Variants in AMZ1 observed in about 807,000 individuals in gnomAD.
AMZ1 encodes archaemetzincin-1.
A neutral mutation model predicts 29.9 loss-of-function variants in AMZ1; 39 were observed. The observed-to-expected ratio is 1.30, with a 90% confidence interval of 1.01 to 1.70. AMZ1 has a LOEUF of 1.70. Among genes scored for constraint, AMZ1 ranks in the 40% most tolerant of loss-of-function variants. The pLI, the probability that AMZ1 is intolerant of heterozygous loss-of-function variation, is 0.00. For synonymous variants in AMZ1, 458 were observed against 304.0 expected, an observed-to-expected ratio of 1.51 and a Z score of -5.27; for missense variants, 1,041 against 680.6, an observed-to-expected ratio of 1.53 and a Z score of -5.89.
chr7:2,731,439 G>A lies in AMZ1; in HGVS notation n.550+21623G>A. On this transcript the variant is annotated intron_variant and non_coding_transcript_variant, in intron 4 of 4. Coordinates refer to the AMZ1 transcript ENST00000489665. This position sits in a 1 kb window ranked among gnomAD's most constrained non-coding sequence, Gnocchi z 6.0. ...CCTTCTCCACCAGGAGGTCCATCTT[G>A]TTGAGGAAGAGAATGATGGAGACGT... The A allele has an allele frequency of 6.2e-7, 1 of 1,613,814 alleles. No homozygotes were observed. Among genetic ancestry groups the A allele is most frequent in the Non-Finnish European group, 8.5e-7 (1 of 1,179,776 alleles).
chr7:2,693,046 T>C (rs749523622), intron 1 of AMZ1, among the ~76,000 whole-genome samples: 11 of 152,170 alleles, frequency 7.2e-5, no homozygotes, highest in Non-Finnish European at 1.2e-4. Context: ...CTCTCAGGAA[T>C]GGGAGTGTGG....
Position 2,712,539 on chromosome 7 carries a change from C to T in AMZ1, c.1158C>T (p.Ser386=), listed in dbSNP as rs771103645. The change falls in exon 7 of 7, where the codon AGC becomes AGT. Residue 386 remains serine (S), a synonymous_variant. Transcript: ENST00000683327. ...TFASGPEEGL[S]YLAASEAPLP... Reference sequence around the variant, plus strand: ...CCTCGGGGCCAGAGGAAGGGCTGAGCTACCTGGCAGCCTCAGAGGCTCCGC... The same window carrying T: ...CCTCGGGGCCAGAGGAAGGGCTGAGTTACCTGGCAGCCTCAGAGGCTCCGC... 6.2e-7 allele frequency: 1 copy of T among 1,608,800 alleles called. No homozygotes were observed. Among genetic ancestry groups the T allele is most frequent in the Non-Finnish European group, 8.5e-7 (1 of 1,177,724 alleles).
At chr7:2,705,717 G>A (rs1200634797) in intron 3 of AMZ1, among the ~76,000 whole-genome samples, 1 of 152,188 alleles carries the variant, frequency 6.6e-6, no homozygotes. Context: ...CCCCTGGGTG[G>A]CATGTTTCTT....
chr7:2,697,172 G>A (rs1327200822), intron 1 of AMZ1, among the ~76,000 whole-genome samples: 3 of 152,066 alleles, frequency 2.0e-5, no homozygotes, highest in Non-Finnish European at 4.4e-5. Context: ...GCGCAATCTC[G>A]GCTCACTGCA....
At chr7:2,680,174 TGAA>T (rs1430971995) in intron 1 of AMZ1, among the ~76,000 whole-genome samples, 3 of 152,054 alleles carry the variant, frequency 2.0e-5, no homozygotes, top group Admixed American at 6.5e-5. Context: ...CAGTGGCACT[TGAA>T]GAAGGAGGGC....
chr7:2,749,375 A>G (rs542830707), intron 4 of AMZ1, among the ~76,000 whole-genome samples: 3 of 152,280 alleles, frequency 2.0e-5, no homozygotes, highest in South Asian at 2.1e-4. Flanking sequence ...CATGGATGAA[A>G]CTAGAAACCA....
At chr7:2,683,972 G>A (rs533428295), upstream of AMZ1, among the ~76,000 whole-genome samples, 66 of 151,938 alleles carry the variant, frequency 4.3e-4, 1 homozygote, top group South Asian at 0.014. Flanking sequence ...GAGGTCAGGA[G>A]TTTAAGACCA....
At chr7:2,744,334 G>A (rs868608761) in intron 4 of AMZ1, among the ~76,000 whole-genome samples, 6 of 152,160 alleles carry the variant, frequency 3.9e-5, no homozygotes, top group Non-Finnish European at 7.4e-5. Context: ...CCAGAGGAAC[G>A]ATCAGGCAGC....
downstream of AMZ1, among the ~76,000 whole-genome samples, chr7:2,722,638 C>A (rs1789470688): frequency 6.6e-6 from 1 of 152,228 alleles, no homozygotes; most frequent in African/African-American, 2.4e-5. Flanking sequence ...AGATTCGAGA[C>A]TGACAGATGC....
In AMZ1 at chr7:2,715,894, A is replaced by C. The variant is rs909901718; in HGVS notation, c.*3016A>C. The stretch of plus-strand genomic sequence containing the variant: ...ATTAAATTTAGAGATGATGGTTTCC[A>C]AGACACACAGGGCCACGGTTCTTTC... On this transcript the variant is annotated 3_prime_UTR_variant, in exon 7 of 7. Coordinates refer to ENST00000683327, the MANE Select transcript of AMZ1 (RefSeq NM_001384743.1). The C allele has an allele frequency of 6.8e-6, 1 of 146,572 alleles. No individual in the cohort carries two copies. The highest frequency in any genetic ancestry group is 1.5e-5 in the Non-Finnish European group (1 of 66,850). The allele number at this position is 146,572 out of a possible 1,614,324, so 9.1% of individuals were successfully genotyped here.
At chr7:2,685,424 G>A (rs1440899046), upstream of AMZ1, among the ~76,000 whole-genome samples, 1 of 151,868 alleles carries the variant, frequency 6.6e-6, no homozygotes, top group Non-Finnish European at 1.5e-5. Context: ...CGGGCGAGGT[G>A]ACGGGCACCT....
intron 4 of AMZ1, among the ~76,000 whole-genome samples, chr7:2,725,673 G>T (rs1789588150): frequency 1.3e-5 from 2 of 152,210 alleles, no homozygotes; most frequent in African/African-American, 4.8e-5. Flanking sequence ...CCAGAGCTCA[G>T]TTACCCCCGA....
At chr7:2,737,540 CA>C (rs1790270957) in intron 4 of AMZ1, among the ~76,000 whole-genome samples, 1 of 152,174 alleles carries the variant, frequency 6.6e-6, no homozygotes, top group African/African-American at 2.4e-5. Flanking sequence ...CCACCCACCT[CA>C]GCCTCCCAGA....
rs1339836711 is a variant in AMZ1 at position 2,737,264 on chromosome 7, GTTTTGTTTTGT to G, written n.551-27443_551-27433del. On this transcript the variant is annotated intron_variant and non_coding_transcript_variant, in intron 4 of 4. Transcript: ENST00000489665. ...CTGCCCATTCAGGAGCTATCTCACA[GTTTTGTTTTGT>G]TTTTTTTTTTTTTGTTTTTTTTTTT... Among the ~76,000 whole-genome samples the G allele has an allele frequency of 6.3e-3, 331 of 52,478 alleles. 9 individuals are homozygous for G. The highest frequency in any genetic ancestry group is 0.01 in the Non-Finnish European group (262 of 25,142). 34.4% of individuals were successfully genotyped at this position (52,478 alleles called of 152,430 possible). A position where few individuals can be genotyped will look rare whatever the true frequency, so the allele number is the denominator to read the frequency against.
chr7:2,733,583 G>A (rs547403146), intron 4 of AMZ1: 4 of 1,075,436 alleles, frequency 3.7e-6, no homozygotes, highest in Admixed American at 1.8e-5. Flanking sequence ...AACAGGGTAA[G>A]AGCAGTGGCA....
rs1391443591 is a variant in AMZ1, at chr7:2,714,019, C to T, written c.*1141C>T. On this transcript the variant is annotated 3_prime_UTR_variant, in exon 7 of 7. Coordinates refer to ENST00000683327, the MANE Select transcript of AMZ1 (RefSeq NM_001384743.1). ...TAGTTTTGCCGGATTTTGCTTCCTGCACTTTGAAGCTCCTTTACGTCCCTG... is the reference window on the plus strand; with the variant it reads ...TAGTTTTGCCGGATTTTGCTTCCTGTACTTTGAAGCTCCTTTACGTCCCTG... The T allele has an allele frequency of 6.6e-6, 1 of 152,186 alleles. No homozygotes were observed. Among genetic ancestry groups the T allele is most frequent in the Non-Finnish European group, 1.5e-5 (1 of 68,064 alleles). 9.4% of individuals were successfully genotyped at this position (152,186 alleles called of 1,614,324 possible).
At chr7:2,736,895 G>T (rs1790209664) in intron 4 of AMZ1, among the ~76,000 whole-genome samples, 1 of 152,200 alleles carries the variant, frequency 6.6e-6, no homozygotes, top group South Asian at 2.1e-4. Context: ...AGGACCACGA[G>T]AAAAGAGCTT....
downstream of AMZ1, among the ~76,000 whole-genome samples, chr7:2,721,540 C>T (rs1330431334): frequency 6.6e-6 from 1 of 152,052 alleles, no homozygotes; most frequent in Non-Finnish European, 1.5e-5. Context: ...CACGGTGAAG[C>T]CCTGTCTCTA....
rs550443234 is a variant in AMZ1 at position 2,739,115 on chromosome 7, G to A, written n.551-25597G>A. On this transcript the variant is annotated intron_variant and non_coding_transcript_variant, in intron 4 of 4. Coordinates refer to the AMZ1 transcript ENST00000489665. ...AGGGTTGCTGTCACAGGGGTGCCAC[G>A]CCGGGCCCCTAAAGCACCAGCCCCC... Among the ~76,000 whole-genome samples, 246 of 152,302 alleles carry A rather than the reference G, an allele frequency of 1.6e-3. 2 individuals are homozygous for A. Among genetic ancestry groups the A allele is most frequent in the Middle Eastern group, 0.01 (3 of 294 alleles).
Sources: gnomAD v4.1 joint callset for allele counts (sites outside exome capture counted in the v4.1 genomes callset) on GRCh38, gnomAD v4.1.1 for gene constraint, Gnocchi (gnomAD v3.1) non-coding constraint, MANE v1.5 for transcripts, NCBI Gene and HGNC (gene_info 2026-07-23, HGNC 2026-07-21) for gene names.